The following ANO9 variants were observed in gnomAD, a reference collection of about 807,000 sequenced individuals.
The protein encoded by ANO9 is anoctamin 9.
A neutral mutation model predicts 100.5 loss-of-function variants in ANO9; 80 were observed. That is an observed-to-expected ratio of 0.80 (90% CI 0.66 to 0.96). The LOEUF is 0.96. ANO9 is among the 40% of genes least tolerant of loss of function. The probability of loss-of-function intolerance (pLI) is 0.00; values close to 1 mark genes in which losing one functional copy is unlikely to be tolerated. For synonymous variants in ANO9, 473 were observed against 435.6 expected, an observed-to-expected ratio of 1.09 and a Z score of -1.07; for missense variants, 1,064 against 1,072.7, an observed-to-expected ratio of 0.99 and a Z score of 0.11.
Position 421,189 on chromosome 11 carries a change from G to A in ANO9, c.1344C>T (p.Gly448=). ...YIAFILGRIN[G]HPGKSTRLAG... is the part of the protein sequence containing the mutation. ...CCAGGCGCGTGGACTTCCCGGGGTG[G>A]CCGTTGATCCTGGGGAGGAAGGGGA... Residue 448 remains glycine, a synonymous_variant, in exon 16 of 23, where the codon GGC becomes GGT. Transcript: ENST00000332826. The surrounding 1 kb of genome is among the most constrained non-coding windows in gnomAD (Gnocchi z 6.8). 1.9e-6 allele frequency: 3 copies of A among 1,552,572 alleles called. No individual in the cohort carries two copies. Among genetic ancestry groups the A allele is most frequent in the Non-Finnish European group, 2.6e-6 (3 of 1,146,052 alleles).
rs1848251839 is a variant in ANO9, at chr11:422,451, G to GT, written c.1335-1254dup. Among the ~76,000 whole-genome samples the GT allele has an allele frequency of 6.6e-6, 1 of 152,194 alleles. No homozygotes were observed. On this transcript the variant is annotated intron_variant, in intron 15 of 22. Transcript: ENST00000332826. The surrounding 1 kb of genome is among the most constrained non-coding windows in gnomAD (Gnocchi z 4.3). ...GGGGAGATTATCTTGGGTTATCTGG[G>GT]TTTTTCTGGTGTAATCACAAGGGTC...
rs1005359491 is a variant in ANO9, at chr11:433,845, C to T, written c.174G>A (p.Glu58=). 9.6e-6 allele frequency: 15 copies of T among 1,562,712 alleles called. No individual in the cohort carries two copies. The highest frequency in any genetic ancestry group is 1.3e-5 in the Non-Finnish European group (15 of 1,153,830). ...TGTGGAAGCCCTTTCTCCTGAGCTC[C>T]TCCAGGAACTGTTGCTGCCGCGCCT... The part of the protein sequence containing the change: ...PRQARQQQFL[E]ELRRKGFHIK... The change falls in exon 3 of 23, where the codon GAG becomes GAA. Residue 58 remains glutamate, a synonymous_variant. Coordinates refer to ENST00000332826, the MANE Select transcript of ANO9 (RefSeq NM_001012302.3).
At position 430,188 on chromosome 11, in the gene ANO9, G is replaced by C; in HGVS notation, c.675-9C>G. 6.4e-7 allele frequency: 1 copy of C among 1,551,046 alleles called. No individual in the cohort carries two copies. Among genetic ancestry groups the C allele is most frequent in the Non-Finnish European group, 8.7e-7 (1 of 1,147,618 alleles). On this transcript the variant is annotated splice_polypyrimidine_tract_variant and intron_variant, in intron 8 of 22. Transcript: ENST00000332826. ...CCTCACAGATCTCCTTGCTGAAGGG[G>C]CAGGGATGAGGCTGGGGTCGGCTCC...
Position 422,979 on chromosome 11 carries a change from G to A in ANO9, c.1335-1781C>T, listed in dbSNP as rs988215675. ...TGAGTAGCTGGGATTACAGGTGCGC[G>A]CCACCACGCCTGGCTAATTTTTGTA... On this transcript the variant is annotated intron_variant, in intron 15 of 22. Transcript: ENST00000332826. The surrounding 1 kb of genome is among the most constrained non-coding windows in gnomAD (Gnocchi z 4.3). 2.0e-5 allele frequency among the ~76,000 whole-genome samples: 3 copies of A among 151,796 alleles called. No homozygotes were observed. Among genetic ancestry groups the A allele is most frequent in the East Asian group, 1.9e-4 (1 of 5,166 alleles).
In ANO9 at chr11:419,721, GCCAGGTCCCTGCA is replaced by G. The variant is rs753129275; in HGVS notation, c.1787-5_1794del. The G allele has an allele frequency of 5.6e-6, 9 of 1,598,470 alleles. No homozygotes were observed. The highest frequency in any genetic ancestry group is 6.0e-6 in the Non-Finnish European group (7 of 1,175,416). On this transcript the variant is annotated splice_acceptor_variant and splice_polypyrimidine_tract_variant and coding_sequence_variant and intron_variant, in exon 20 of 23. Coordinates refer to ENST00000332826, the MANE Select transcript of ANO9 (RefSeq NM_001012302.3). LOFTEE classifies it high-confidence loss of function. Reference sequence around the variant, plus strand: ...ACACCGATGGTCTCCAGCACCTGCAGCCAGGTCCCTGCACCAGAGCAGTGGGCAAGCGGTCTGA... The same window carrying G: ...ACACCGATGGTCTCCAGCACCTGCAGCCAGAGCAGTGGGCAAGCGGTCTGA...
intron 1 of ANO9, among the ~76,000 whole-genome samples, chr11:441,541 C>G (rs985125099): frequency 6.6e-5 from 10 of 152,120 alleles, no homozygotes; most frequent in African/African-American, 2.4e-4. Flanking sequence ...CAAGGCAAAG[C>G]TGCCAGGTCT....
At chr11:423,257 C>G (rs1848301432) in intron 15 of ANO9, among the ~76,000 whole-genome samples, 2 of 152,174 alleles carry the variant, frequency 1.3e-5, no homozygotes, top group South Asian at 4.1e-4. Flanking sequence ...CACCCTACAG[C>G]AAGGCATAAA....
In ANO9 at chr11:418,992, G is replaced by A. The variant is rs760697784; in HGVS notation, c.1935-3C>T. 1.6e-5 allele frequency: 26 copies of A among 1,612,956 alleles called. No individual in the cohort carries two copies. The African/African-American group carries it at 2.8e-4, about 17-fold the overall frequency. On this transcript the variant is annotated splice_region_variant and splice_polypyrimidine_tract_variant and intron_variant, in intron 20 of 22. Transcript: ENST00000332826. The stretch of plus-strand genomic sequence containing the variant: ...GGTTGACGTAGCCCTTGAGGCAGCT[G>A]GGGAGAGGGGAGAGGAGTGTGGGGT...
chr11:432,327 G>A lies in ANO9; in HGVS notation c.351-273C>T. On this transcript the variant is annotated intron_variant, in intron 4 of 22. Coordinates refer to ENST00000332826, the MANE Select transcript of ANO9 (RefSeq NM_001012302.3). The surrounding 1 kb of genome is among the most constrained non-coding windows in gnomAD (Gnocchi z 4.8). Reference sequence around the variant, plus strand: ...TCCTCCCAGCCCGTCCCTCCCAGAAGCCCAGACCACAGCCCGCACCTGCAA... The same window carrying A: ...TCCTCCCAGCCCGTCCCTCCCAGAAACCCAGACCACAGCCCGCACCTGCAA... 1.9e-6 allele frequency: 1 copy of A among 521,640 alleles called. No individual in the cohort carries two copies. The highest frequency in any genetic ancestry group is 3.5e-6 in the Non-Finnish European group (1 of 287,652). 32.3% of individuals were successfully genotyped at this position (521,640 alleles called of 1,614,324 possible).
intron 15 of ANO9, among the ~76,000 whole-genome samples, chr11:426,798 C>A (rs1473703729): frequency 6.6e-6 from 1 of 152,096 alleles, no homozygotes; most frequent in Non-Finnish European, 1.5e-5. Context: ...GCAGGCCCAG[C>A]TGGAAGGTCC....
At position 433,465 on chromosome 11, in the gene ANO9, G is replaced by T; in HGVS notation, c.205-6C>A. ...TGTTTCTGGTCCCGGATCACCTGGG[G>T]GCACATGGGATCCTCTATCCCACCT... On this transcript the variant is annotated splice_region_variant and splice_polypyrimidine_tract_variant and intron_variant, in intron 3 of 22. Coordinates refer to ENST00000332826, the MANE Select transcript of ANO9 (RefSeq NM_001012302.3). 1 of 1,612,360 alleles carries T rather than the reference G, an allele frequency of 6.2e-7. No individual in the cohort carries two copies. Among genetic ancestry groups the T allele is most frequent in the Non-Finnish European group, 8.5e-7 (1 of 1,179,628 alleles).
Position 419,505 on chromosome 11 carries a change from A to G in ANO9, c.1934+77T>C. On this transcript the variant is annotated intron_variant, in intron 20 of 22. Transcript: ENST00000332826. Reference sequence around the variant, plus strand: ...ACAGGTCCAGCCATTCCCAGGAGAAAGGGTCTGGATCCCCCAGGGCTTGGC... The same window carrying G: ...ACAGGTCCAGCCATTCCCAGGAGAAGGGGTCTGGATCCCCCAGGGCTTGGC... 3 of 1,553,156 alleles carry G rather than the reference A, an allele frequency of 1.9e-6. No homozygotes were observed. The South Asian group carries it at 3.6e-5, about 19-fold the overall frequency.
chr11:430,112 G>C lies in ANO9; in HGVS notation c.742C>G (p.Arg248Gly). 6.4e-7 allele frequency: 1 copy of C among 1,552,562 alleles called. No individual in the cohort carries two copies. Among genetic ancestry groups the C allele is most frequent in the Non-Finnish European group, 8.7e-7 (1 of 1,148,498 alleles). Reference sequence around the variant, plus strand: ...GCAAAAGTGCAGGTTTCCGAGAGCCGCTGGTACCTGCGGCTGTGGTCGCCG... The same window carrying C: ...GCAAAAGTGCAGGTTTCCGAGAGCCCCTGGTACCTGCGGCTGTGGTCGCCG... ...PLGDHSRRYQ[R>G]LSETCTFAKL... Residue 248 changes from arginine to glycine, a missense_variant, in exon 9 of 23, where the codon CGG (arginine) becomes GGG (glycine). Transcript: ENST00000332826.
intron 1 of ANO9, among the ~76,000 whole-genome samples, chr11:438,491 C>T (rs1434184290): frequency 1.3e-5 from 2 of 150,890 alleles, no homozygotes; most frequent in Non-Finnish European, 3.0e-5. Context: ...GTAGCCCCCC[C>T]AACACACACA....
intron 20 of ANO9, 112 bp from the exon 21 acceptor site, chr11:419,101 G>A (rs1021306293): frequency 5.2e-6 from 8 of 1,543,702 alleles, no homozygotes; most frequent in African/African-American, 4.1e-5. Context: ...TGGGGGCCAC[G>A]CCACAGACTG....
intron 1 of ANO9, among the ~76,000 whole-genome samples, chr11:441,454 G>A (rs144125605): frequency 5.9e-5 from 9 of 152,158 alleles, no homozygotes; most frequent in East Asian, 5.8e-4. Context: ...CCCACAGCCC[G>A]CCGGCCACTC....
In ANO9 at chr11:420,620, G is replaced by A. The variant is rs764647693; in HGVS notation, c.1634-5C>T. 1.2e-5 allele frequency: 20 copies of A among 1,604,358 alleles called. No individual in the cohort carries two copies. Among genetic ancestry groups the A allele is most frequent in the Non-Finnish European group, 1.7e-5 (20 of 1,179,148 alleles). ...TGGTGAAGCCGTACTGGATCACTGC[G>A]CGGTGGGGGTCAGGCTCACCGGCGC... On this transcript the variant is annotated splice_region_variant and splice_polypyrimidine_tract_variant and intron_variant, in intron 18 of 22. Coordinates refer to ENST00000332826, the MANE Select transcript of ANO9 (RefSeq NM_001012302.3).
chr11:433,518 C>T (rs1564927949), intron 3 of ANO9, 59 bp from the exon 4 acceptor site: 1 of 1,600,542 alleles, frequency 6.2e-7, no homozygotes, highest in Non-Finnish European at 8.5e-7. Flanking sequence ...TATCCCGCCT[C>T]AGAACCCTCC....
At position 418,991 on chromosome 11, in the gene ANO9, T is replaced by TGGGGAGA. The variant is rs1848009402; in HGVS notation, c.1935-9_1935-3dup. The TGGGGAGA allele has an allele frequency of 6.8e-7, 1 of 1,463,964 alleles. No homozygotes were observed. Among genetic ancestry groups the TGGGGAGA allele is most frequent in the African/African-American group, 1.5e-5 (1 of 66,684 alleles). 90.7% of individuals were successfully genotyped at this position (1,463,964 alleles called of 1,614,324 possible). On this transcript the variant is annotated splice_region_variant and splice_polypyrimidine_tract_variant and intron_variant, in intron 20 of 22. Coordinates refer to ENST00000332826, the MANE Select transcript of ANO9 (RefSeq NM_001012302.3). ...TGGTTGACGTAGCCCTTGAGGCAGC[T>TGGGGAGA]GGGGAGAGGGGAGAGGAGTGTGGGG...
Sources: allele counts gnomAD v4.1 joint callset (sites outside exome capture counted in the v4.1 genomes callset), GRCh38; gene constraint gnomAD v4.1.1; non-coding constraint Gnocchi (gnomAD v3.1); transcripts MANE v1.5; gene names NCBI Gene and HGNC (gene_info 2026-07-23, HGNC 2026-07-21).